C11orf65: variants seen among roughly 807,000 people sequenced by gnomAD.
C11orf65 encodes protein MFI.
C11orf65 carries 38 observed loss-of-function variants against 35.3 expected under a neutral mutation model. That is an observed-to-expected ratio of 1.08 (90% CI 0.83 to 1.41). C11orf65 has a LOEUF of 1.41. Ranked by LOEUF, C11orf65 falls within the 40% of genes most tolerant of loss-of-function variation. The pLI, the probability that C11orf65 is intolerant of heterozygous loss-of-function variation, is 0.00. For missense variants in C11orf65, 370 were observed against 367.1 expected (o/e 1.01, Z -0.06); for synonymous variants, 105 against 114.4 (o/e 0.92, Z 0.53).
At chr11:108,395,859 G>C (rs747372308) in intron 6 of C11orf65, among the ~76,000 whole-genome samples, 18 of 151,396 alleles carry the variant, frequency 1.2e-4, no homozygotes, top group Non-Finnish European at 2.6e-4. Flanking sequence ...CTGACCTCGT[G>C]ATCTGCCTGC....
At chr11:108,365,389 A>T (rs2091243577) in intron 2 of C11orf65, 1 of 1,614,200 alleles carries the variant, frequency 6.2e-7, no homozygotes, top group Non-Finnish European at 8.5e-7. Context: ...AGAGAAACTG[A>T]AAGGAGTGGA....
At chr11:108,448,646 G>A (rs1028461473) in intron 2 of C11orf65, among the ~76,000 whole-genome samples, 1 of 152,072 alleles carries the variant, frequency 6.6e-6, no homozygotes, top group Non-Finnish European at 1.5e-5. Flanking sequence ...AAAATAATAA[G>A]AGATATCTAT....
intron 2 of C11orf65, among the ~76,000 whole-genome samples, chr11:108,451,970 T>C (rs983333328): frequency 6.6e-6 from 1 of 152,216 alleles, no homozygotes; most frequent in African/African-American, 2.4e-5. Flanking sequence ...AAGCTGAAAC[T>C]GGATCCCTTC....
chr11:108,431,161 CT>C (rs2092984114), intron 3 of C11orf65, among the ~76,000 whole-genome samples: 1 of 151,718 alleles, frequency 6.6e-6, no homozygotes, highest in Non-Finnish European at 1.5e-5. Context: ...AATTCCATTT[CT>C]AGGTGTAGTA....
Position 108,310,263 on chromosome 11 carries a change from C to T in C11orf65, c.641-1192G>A, listed in dbSNP as rs1565489956. Reference sequence around the variant, plus strand: ...TTGTGCTGCTCACTTTACAGCTTTACTCTATGCAGAAATCTATGCAGATAA... The same window carrying T: ...TTGTGCTGCTCACTTTACAGCTTTATTCTATGCAGAAATCTATGCAGATAA... On this transcript the variant is annotated intron_variant, in intron 6 of 6. Transcript: ENST00000525729. 6.2e-7 allele frequency: 1 copy of T among 1,613,486 alleles called. No individual in the cohort carries two copies. The highest frequency in any genetic ancestry group is 8.5e-7 in the Non-Finnish European group (1 of 1,179,670).
intron 2 of C11orf65, among the ~76,000 whole-genome samples, chr11:108,448,120 T>G (rs1392591901): frequency 1.3e-5 from 2 of 151,966 alleles, no homozygotes; most frequent in Non-Finnish European, 2.9e-5. Flanking sequence ...AATAACAGGA[T>G]CTGAAATTGT....
chr11:108,467,612 C>G (rs72992184), upstream of C11orf65: 2,606 of 152,236 alleles, frequency 0.017, 34 homozygotes, highest in Non-Finnish European at 0.026. Context: ...CGCGCTCTGA[C>G]AAAGTGCAGG....
chr11:108,379,903 G>T (rs889107811), downstream of C11orf65, among the ~76,000 whole-genome samples: 24 of 152,150 alleles, frequency 1.6e-4, no homozygotes, highest in African/African-American at 5.8e-4. Flanking sequence ...ATATTTGACA[G>T]ATTTCATGGG....
chr11:108,320,152 C>T, intron 6 of C11orf65: 1 of 967,576 alleles, frequency 1.0e-6, no homozygotes, highest in South Asian at 1.4e-5. Flanking sequence ...TAAGGATTTG[C>T]ATTGATGAAG....
intron 6 of C11orf65, chr11:108,325,249 GTTT>G (rs11366542): frequency 0.013 from 7,492 of 557,380 alleles, no homozygotes; most frequent in East Asian, 0.019. Context: ...AACTTACATA[GTTT>G]TTTTTTTTTT....
intron 6 of C11orf65, chr11:108,310,077 C>T (rs2084011836): frequency 7.0e-7 from 1 of 1,434,466 alleles, no homozygotes. Context: ...GCAGTCACTA[C>T]CATTGTATTC....
intron 2 of C11orf65, among the ~76,000 whole-genome samples, chr11:108,442,526 G>C (rs1177445674): frequency 6.6e-6 from 1 of 152,174 alleles, no homozygotes; most frequent in Non-Finnish European, 1.5e-5. Context: ...ATAATTGTCA[G>C]ATTCACCAAA....
intron 6 of C11orf65, chr11:108,325,632 T>C: frequency 2.7e-6 from 3 of 1,125,094 alleles, no homozygotes; most frequent in Non-Finnish European, 3.9e-6. Flanking sequence ...AAAAGAAATG[T>C]CATTAAGAGA....
chr11:108,447,414 C>T (rs138992071), intron 2 of C11orf65, among the ~76,000 whole-genome samples: 3,217 of 152,034 alleles, frequency 0.021, 125 homozygotes, highest in African/African-American at 0.071. Context: ...TGTAAAAGAA[C>T]AGAAATTATA....
At chr11:108,442,181 A>G (rs538917353) in intron 2 of C11orf65, among the ~76,000 whole-genome samples, 3 of 152,330 alleles carry the variant, frequency 2.0e-5, no homozygotes, top group Admixed American at 6.5e-5. Flanking sequence ...TGATGCATGC[A>G]CAAGCTTCAG....
At chr11:108,437,707 TAAAAAAAAAAA>T (rs145337876) in intron 2 of C11orf65, among the ~76,000 whole-genome samples, 692 of 38,052 alleles carry the variant, frequency 0.018, 11 homozygotes, top group African/African-American at 0.086. Context: ...GACTCAGTCT[TAAAAAAAAAAA>T]AAAAAAAAAA....
intron 2 of C11orf65, among the ~76,000 whole-genome samples, chr11:108,433,629 G>T (rs915243001): frequency 2.1e-5 from 3 of 144,700 alleles, no homozygotes; most frequent in East Asian, 2.0e-4. Flanking sequence ...ACCAAAGACA[G>T]AAAGTGGAAG....
intron 2 of C11orf65, among the ~76,000 whole-genome samples, chr11:108,361,786 C>T (rs149854825): frequency 6.6e-6 from 1 of 152,200 alleles, no homozygotes; most frequent in Admixed American, 6.5e-5. Context: ...ACACCTGATA[C>T]AAAAATTAAC....
At position 108,411,689 on chromosome 11, in the gene C11orf65, T is replaced by C. The variant is rs548233468; in HGVS notation, c.175-4540A>G. 2.6e-5 allele frequency among the ~76,000 whole-genome samples: 4 copies of C among 152,320 alleles called. No homozygotes were observed. In the East Asian group the frequency reaches 7.7e-4, roughly 29 times the overall value. On this transcript the variant is annotated intron_variant, in intron 3 of 8. Coordinates refer to ENST00000393084, the MANE Select transcript of C11orf65 (RefSeq NM_152587.5). ...TTATATTTTTCTATTGAACTGACTC[T>C]ATCATTATGAAACTGCTCTCTTTAT...
Sources: gnomAD v4.1 joint callset for allele counts (sites outside exome capture counted in the v4.1 genomes callset) on GRCh38, gnomAD v4.1.1 for gene constraint, MANE v1.5 for transcripts, NCBI Gene and HGNC (gene_info 2026-07-23, HGNC 2026-07-21) for gene names.